The following DAB1 variants were observed in gnomAD, a reference collection of about 807,000 sequenced individuals.
The protein encoded by DAB1 is DAB adaptor protein 1.
A neutral mutation model predicts 64.6 loss-of-function variants in DAB1; 15 were observed. The ratio of observed to expected loss-of-function variants is 0.23; its 90% confidence interval spans 0.16 to 0.36. DAB1 has a LOEUF of 0.36. DAB1 is among the 10% of genes least tolerant of loss of function. The pLI is 1.00. For missense variants in DAB1, 596 were observed against 706.7 expected (o/e 0.84, Z 1.78); for synonymous variants, 235 against 251.9 (o/e 0.93, Z 0.64).
chr1:57,892,324 A>G (rs1644327664), intron 5 of DAB1, among the ~76,000 whole-genome samples: 1 of 152,142 alleles, frequency 6.6e-6, no homozygotes, highest in Non-Finnish European at 1.5e-5. Flanking sequence ...CACTCACCCC[A>G]TGGAATTAGG....
intron 9 of DAB1, chr1:57,033,335 G>A: frequency 2.6e-6 from 4 of 1,560,370 alleles, no homozygotes; most frequent in South Asian, 2.2e-5. Flanking sequence ...AATATGGAAT[G>A]CATGAGTATG....
chr1:58,367,301 T>C (rs984231675), intron 3 of DAB1, among the ~76,000 whole-genome samples: 3 of 152,222 alleles, frequency 2.0e-5, no homozygotes, highest in Non-Finnish European at 2.9e-5. Context: ...GGATGTCTCA[T>C]ATCAATGCTC....
chr1:58,474,766 C>T (rs1645402447), intron 3 of DAB1, among the ~76,000 whole-genome samples: 1 of 152,180 alleles, frequency 6.6e-6, no homozygotes, highest in Admixed American at 6.5e-5. Context: ...GTTCTCACTT[C>T]TTGTGTGTGA....
chr1:58,399,359 T>C (rs1415956067), intron 3 of DAB1, among the ~76,000 whole-genome samples: 3 of 152,190 alleles, frequency 2.0e-5, no homozygotes, highest in Non-Finnish European at 4.4e-5. Context: ...TGCTCAAGGT[T>C]ACGACCAGTG....
intron 1 of DAB1, among the ~76,000 whole-genome samples, chr1:57,423,623 G>T (rs1301518082): frequency 6.6e-6 from 1 of 152,214 alleles, no homozygotes; most frequent in African/African-American, 2.4e-5. Context: ...CGTGTCAGGG[G>T]TGGACAAGTC....
At chr1:57,465,312 A>G (rs1017267151) in intron 7 of DAB1, among the ~76,000 whole-genome samples, 1 of 152,208 alleles carries the variant, frequency 6.6e-6, no homozygotes, top group Non-Finnish European at 1.5e-5. Flanking sequence ...TAAATCTATT[A>G]TATTCTTAAT....
chr1:57,886,018 T>C (rs1347962072), upstream of DAB1, among the ~76,000 whole-genome samples: 3 of 152,228 alleles, frequency 2.0e-5, no homozygotes, highest in African/African-American at 7.2e-5. Flanking sequence ...GTTTATTTAC[T>C]TTTTTAAAAA....
chr1:57,972,078 T>C (rs1378488144), intron 5 of DAB1, among the ~76,000 whole-genome samples: 1 of 152,214 alleles, frequency 6.6e-6, no homozygotes, highest in Non-Finnish European at 1.5e-5. Context: ...TATAAGTAGA[T>C]ACCATTGTGA....
At chr1:58,173,457 C>T (rs1423624125) in intron 4 of DAB1, among the ~76,000 whole-genome samples, 4 of 152,138 alleles carry the variant, frequency 2.6e-5, no homozygotes, top group African/African-American at 7.2e-5. Flanking sequence ...CCATTCACCC[C>T]GAACCCCCTG....
chr1:57,537,730 C>T (rs970860940), intron 7 of DAB1, among the ~76,000 whole-genome samples: 9 of 152,208 alleles, frequency 5.9e-5, no homozygotes, highest in African/African-American at 2.4e-5. Flanking sequence ...CAAATCTCTT[C>T]TTCCTAACAA....
intron 2 of DAB1, among the ~76,000 whole-genome samples, chr1:57,151,850 A>C (rs569416841): frequency 8.1e-5 from 9 of 111,234 alleles, no homozygotes; most frequent in African/African-American, 3.3e-4. Flanking sequence ...GTCTCGCTCT[A>C]TTGCCCAGGC....
Position 57,637,629 on chromosome 1 carries a change from A to G in DAB1, n.625+11963T>C, listed in dbSNP as rs535560359. ...AAAGACAGGATGCTGAGACTTAGACAAGGGCCAGGGTATGAAGATCTTCAG... is the reference window on the plus strand; with the variant it reads ...AAAGACAGGATGCTGAGACTTAGACGAGGGCCAGGGTATGAAGATCTTCAG... On this transcript the variant is annotated intron_variant and non_coding_transcript_variant, in intron 7 of 20. Transcript: ENST00000485760. 5.9e-5 allele frequency among the ~76,000 whole-genome samples: 9 copies of G among 152,286 alleles called. No homozygotes were observed. In the East Asian group the frequency reaches 1.7e-3, roughly 29 times the overall value.
intron 3 of DAB1, among the ~76,000 whole-genome samples, chr1:58,376,516 T>C (rs1644328163): frequency 6.9e-6 from 1 of 144,636 alleles, no homozygotes; most frequent in Admixed American, 6.9e-5. Context: ...TCCTGAGTTC[T>C]AGTTTGATTG....
chr1:57,012,001 G>C (rs539851461), intron 12 of DAB1, among the ~76,000 whole-genome samples: 4 of 152,186 alleles, frequency 2.6e-5, no homozygotes, highest in Non-Finnish European at 5.9e-5. Context: ...CAAAGGATAC[G>C]CATTTTCTGG....
chr1:57,197,054 G>A (rs915074715), intron 2 of DAB1, among the ~76,000 whole-genome samples: 3 of 152,176 alleles, frequency 2.0e-5, no homozygotes, highest in African/African-American at 7.2e-5. Context: ...TCGATAACTT[G>A]GCCAGGCGCC....
chr1:58,295,692 C>G (rs962391599), intron 4 of DAB1, among the ~76,000 whole-genome samples: 1 of 151,994 alleles, frequency 6.6e-6, no homozygotes, highest in Non-Finnish European at 1.5e-5. Context: ...AGAGGACATG[C>G]CTGGCCTCTG....
At chr1:57,089,888 C>T (rs965058967) in intron 4 of DAB1, among the ~76,000 whole-genome samples, 1 of 152,090 alleles carries the variant, frequency 6.6e-6, no homozygotes, top group Non-Finnish European at 1.5e-5. Context: ...CATTTGTGGC[C>T]CCCTTGACTA....
In DAB1 at chr1:57,658,219, A is replaced by T. The variant is rs114442065; in HGVS notation, n.552-8554T>A. Among the ~76,000 whole-genome samples, 851 of 150,978 alleles carry T rather than the reference A, an allele frequency of 5.6e-3. 9 individuals are homozygous for T. The highest frequency in any genetic ancestry group is 0.019 in the African/African-American group (789 of 41,042). ...CTCTGTGTTTTCCAGAACTTCTTCT[A>T]CCCCTGCTTCTATGTCTTGCAATGT... On this transcript the variant is annotated intron_variant and non_coding_transcript_variant, in intron 6 of 20. Transcript: ENST00000485760.
intron 6 of DAB1, among the ~76,000 whole-genome samples, chr1:57,808,704 GAAT>G (rs1456187891): frequency 1.3e-5 from 2 of 152,084 alleles, no homozygotes; most frequent in Non-Finnish European, 2.9e-5. Context: ...GTATTAATTA[GAAT>G]AATAATGATC....
Sources: allele counts gnomAD v4.1 joint callset (sites outside exome capture counted in the v4.1 genomes callset), GRCh38; gene constraint gnomAD v4.1.1; transcripts MANE v1.5; gene names NCBI Gene and HGNC (gene_info 2026-07-23, HGNC 2026-07-21).